AMPH: variants seen among roughly 807,000 people sequenced by gnomAD.
AMPH encodes the protein amphiphysin (Stiff-Mann syndrome with breast cancer 128kD autoantigen).
In AMPH, 49 loss-of-function variants were observed where a neutral mutation model predicts 99.1. The observed-to-expected ratio is 0.49, with a 90% CI of 0.39 to 0.63. The LOEUF (loss-of-function observed/expected upper bound fraction) is 0.63, where lower values mean the gene tolerates loss of function less well. Ranked by LOEUF, AMPH falls within the 20% of genes least tolerant of loss-of-function variation. AMPH has a pLI of 0.00. For missense variants in AMPH, 759 were observed against 863.4 expected (o/e 0.88, Z 1.52); for synonymous variants, 314 against 317.3 (o/e 0.99, Z 0.11).
At chr7:38,435,813 G>T (rs188086972) in intron 12 of AMPH, among the ~76,000 whole-genome samples, 4 of 152,286 alleles carry the variant, frequency 2.6e-5, no homozygotes, top group African/African-American at 9.6e-5. Flanking sequence ...AGTTCAGAAC[G>T]ATCAACACTG....
At position 38,468,915 on chromosome 7, in the gene AMPH, G is replaced by A. The variant is rs1380349280; in HGVS notation, c.591-2667C>T. On this transcript the variant is annotated intron_variant, in intron 7 of 20. Transcript: ENST00000356264. ...CACGCCTGTAATCCCAGCACTTTGGGAGGCCGAGGCGGGTGGATCACGAGG... is the reference window on the plus strand; with the variant it reads ...CACGCCTGTAATCCCAGCACTTTGGAAGGCCGAGGCGGGTGGATCACGAGG... Among the ~76,000 whole-genome samples the A allele has an allele frequency of 2.3e-4, 30 of 129,884 alleles. 7 individuals are homozygous for A. The highest frequency in any genetic ancestry group is 4.2e-4 in the Non-Finnish European group (26 of 62,048). 85.2% of individuals were successfully genotyped at this position (129,884 alleles called of 152,430 possible).
chr7:38,605,585 C>A (rs901367673), intron 1 of AMPH, among the ~76,000 whole-genome samples: 2 of 148,750 alleles, frequency 1.3e-5, no homozygotes, highest in Admixed American at 6.6e-5. Flanking sequence ...TTCTTTTTTT[C>A]TTTTTCTTGA....
chr7:38,424,591 G>C (rs189235889), intron 15 of AMPH, among the ~76,000 whole-genome samples: 1 of 151,852 alleles, frequency 6.6e-6, no homozygotes, highest in Non-Finnish European at 1.5e-5. Context: ...TAGAATACTA[G>C]TCAGGAAGTT....
At chr7:38,582,597 T>C (rs1484246218) in intron 1 of AMPH, among the ~76,000 whole-genome samples, 1 of 152,222 alleles carries the variant, frequency 6.6e-6, no homozygotes, top group African/African-American at 2.4e-5. Flanking sequence ...TTTAAATGTT[T>C]TTAATTTCTA....
intron 11 of AMPH, among the ~76,000 whole-genome samples, chr7:38,445,062 C>A (rs1562760089): frequency 7.0e-6 from 1 of 143,408 alleles, no homozygotes; most frequent in African/African-American, 2.6e-5. Flanking sequence ...ATGGTATATA[C>A]ATATATATAT....
intron 2 of AMPH, among the ~76,000 whole-genome samples, chr7:38,527,403 GTATT>G (rs1347133235): frequency 6.6e-6 from 1 of 152,144 alleles, no homozygotes; most frequent in African/African-American, 2.4e-5. Context: ...ATCTTTCCAA[GTATT>G]TAGTTCTTTT....
chr7:38,574,117 C>T (rs11770392), intron 1 of AMPH, among the ~76,000 whole-genome samples: 46,831 of 152,130 alleles, frequency 0.31, 7,431 homozygotes, highest in Middle Eastern at 0.34. Flanking sequence ...CTATCCTGAA[C>T]AGTCAGCTAA....
chr7:38,471,878 AAAG>A (rs1787900328), intron 7 of AMPH, among the ~76,000 whole-genome samples: 1 of 152,208 alleles, frequency 6.6e-6, no homozygotes. Flanking sequence ...TATTAGAGAC[AAAG>A]AAGGACAGTT....
At chr7:38,427,119 A>G in intron 14 of AMPH, 133 bp from the exon 15 acceptor site, 2 of 741,606 alleles carry the variant, frequency 2.7e-6, no homozygotes, top group Admixed American at 2.6e-5. Context: ...GTTGCTGTGC[A>G]TGAAAGAACT....
intron 4 of AMPH, among the ~76,000 whole-genome samples, chr7:38,494,118 G>A (rs776497611): frequency 5.9e-5 from 9 of 151,974 alleles, no homozygotes; most frequent in South Asian, 4.2e-4. Context: ...CACCATGCCC[G>A]GCTAATTTTT....
intron 1 of AMPH, among the ~76,000 whole-genome samples, chr7:38,581,584 G>A (rs1257651082): frequency 1.3e-5 from 2 of 152,152 alleles, no homozygotes; most frequent in East Asian, 3.9e-4. Flanking sequence ...GGACACGATA[G>A]AGCCTCACTC....
intron 5 of AMPH, among the ~76,000 whole-genome samples, chr7:38,479,316 G>A (rs952187965): frequency 6.6e-6 from 1 of 151,344 alleles, no homozygotes; most frequent in East Asian, 1.9e-4. Context: ...AAAGAAATCT[G>A]CCAACTCAGA....
chr7:38,565,007 C>T (rs1176223867), intron 1 of AMPH, among the ~76,000 whole-genome samples: 2 of 151,730 alleles, frequency 1.3e-5, no homozygotes, highest in Non-Finnish European at 2.9e-5. Flanking sequence ...GCCTGTAGTC[C>T]CAGCTACTCG....
intron 1 of AMPH, among the ~76,000 whole-genome samples, chr7:38,559,433 G>A (rs1791481310): frequency 1.3e-5 from 2 of 152,202 alleles, no homozygotes; most frequent in African/African-American, 4.8e-5. Flanking sequence ...GTTTCCCGAT[G>A]GAATGGGGAG....
At chr7:38,451,121 G>A (rs926157168) in intron 11 of AMPH, among the ~76,000 whole-genome samples, 2 of 149,552 alleles carry the variant, frequency 1.3e-5, no homozygotes, top group African/African-American at 4.9e-5. Flanking sequence ...CCAAACACCT[G>A]GCCTCAAGCA....
intron 1 of AMPH, among the ~76,000 whole-genome samples, chr7:38,581,473 A>C (rs1792459673): frequency 6.6e-6 from 1 of 152,134 alleles, no homozygotes; most frequent in Non-Finnish European, 1.5e-5. Flanking sequence ...GGGTTATAAG[A>C]GGTAATGGAA....
rs137943586 is a variant in AMPH at position 38,474,391 on chromosome 7, G to A, written c.590+940C>T. Among the ~76,000 whole-genome samples, 688 of 152,256 alleles carry A rather than the reference G, an allele frequency of 4.5e-3. 9 individuals are homozygous for A. Among genetic ancestry groups the A allele is most frequent in the African/African-American group, 0.016 (646 of 41,552 alleles). ...TGGCTGGACACTGAGGTAAAAACTAGCCAAAATTTCATCCAGATATTTCAG... is the reference window on the plus strand; with the variant it reads ...TGGCTGGACACTGAGGTAAAAACTAACCAAAATTTCATCCAGATATTTCAG... On this transcript the variant is annotated intron_variant, in intron 7 of 20. Coordinates refer to ENST00000356264, the MANE Select transcript of AMPH (RefSeq NM_001635.4).
intron 2 of AMPH, among the ~76,000 whole-genome samples, chr7:38,508,002 T>C (rs559838690): frequency 2.6e-5 from 4 of 152,220 alleles, no homozygotes; most frequent in Middle Eastern, 3.2e-3. Context: ...AGTAAATACA[T>C]ATGCCAAGAC....
intron 11 of AMPH, among the ~76,000 whole-genome samples, chr7:38,443,654 C>T (rs962921363): frequency 6.6e-6 from 1 of 151,912 alleles, no homozygotes; most frequent in Non-Finnish European, 1.5e-5. Context: ...CACATTAATT[C>T]CTGTTTAAAA....
Sources: gnomAD v4.1 joint callset for allele counts (sites outside exome capture counted in the v4.1 genomes callset) on GRCh38, gnomAD v4.1.1 for gene constraint, MANE v1.5 for transcripts, NCBI Gene and HGNC (gene_info 2026-07-23, HGNC 2026-07-21) for gene names.